Variants in AFF2 observed in about 807,000 individuals in gnomAD.
AFF2 encodes ALF transcription elongation factor 2.
AFF2 carries 14 observed loss-of-function variants against 76.9 expected under a neutral mutation model. The observed-to-expected ratio is 0.18, with a 90% CI of 0.12 to 0.28. The LOEUF (loss-of-function observed/expected upper bound fraction) is 0.28. AFF2 is among the 10% of genes least tolerant of loss of function. AFF2 has a pLI of 1.00. For missense variants in AFF2, 868 were observed against 1,001.1 expected, an observed-to-expected ratio of 0.87 and a Z score of 1.79; for synonymous variants, 398 against 366.7, an observed-to-expected ratio of 1.09 and a Z score of -0.98.
At chrX:148,653,285 G>T (rs2054219534) in intron 2 of AFF2, among the ~76,000 whole-genome samples, 1 of 112,019 alleles carries the variant, frequency 8.9e-6, no homozygotes, top group Non-Finnish European at 1.9e-5. Flanking sequence ...TACTTTGAAG[G>T]TATATATTTA....
chrX:148,761,956 T>TATATATAGATATAG (rs2069448753), intron 3 of AFF2, among the ~76,000 whole-genome samples: 1 of 99,576 alleles, frequency 1.0e-5, no homozygotes, highest in Non-Finnish European at 2.0e-5. Context: ...TGTATGTGTG[T>TATATATAGATATAG]ATATAGATAT....
chrX:148,776,087 C>T (rs1193634186), intron 3 of AFF2, among the ~76,000 whole-genome samples: 3 of 111,047 alleles, frequency 2.7e-5, no homozygotes, highest in Non-Finnish European at 5.7e-5. Context: ...TCAACTCCCA[C>T]TTATGAGTGA....
intron 3 of AFF2, among the ~76,000 whole-genome samples, chrX:148,674,928 C>G (rs1441709153): frequency 1.8e-5 from 2 of 112,446 alleles, no homozygotes; most frequent in Non-Finnish European, 3.8e-5. Flanking sequence ...CTTGTATAGC[C>G]TACGACTTTG....
intron 8 of AFF2, among the ~76,000 whole-genome samples, chrX:148,892,554 A>G (rs2071235919): frequency 9.0e-6 from 1 of 111,471 alleles, no homozygotes. Context: ...CGAAGACCCA[A>G]ACATTCTGTC....
intron 3 of AFF2, among the ~76,000 whole-genome samples, chrX:148,779,105 G>C (rs1209172659): frequency 9.0e-6 from 1 of 111,663 alleles, no homozygotes; most frequent in Non-Finnish European, 1.9e-5. Context: ...TATTTACCCA[G>C]TCATCATTCA....
intron 1 of AFF2, among the ~76,000 whole-genome samples, chrX:148,530,351 G>A (rs782719076): frequency 8.9e-6 from 1 of 112,054 alleles, no homozygotes; most frequent in South Asian, 3.7e-4. Flanking sequence ...GCTAAAAAAT[G>A]TCAGTGTCAC....
intron 1 of AFF2, among the ~76,000 whole-genome samples, chrX:148,586,317 G>T (rs782651508): frequency 1.8e-5 from 2 of 112,090 alleles, no homozygotes; most frequent in African/African-American, 6.5e-5. Flanking sequence ...CAGTGGCAAC[G>T]TTTATATTAC....
intron 9 of AFF2, among the ~76,000 whole-genome samples, chrX:148,943,423 C>A (rs1557285817): frequency 1.8e-5 from 2 of 111,766 alleles, no homozygotes; most frequent in Non-Finnish European, 3.8e-5. Context: ...AATTTTGAGT[C>A]TTATTGCTTT....
At chrX:148,579,327 G>T (rs78670221) in intron 1 of AFF2, among the ~76,000 whole-genome samples, 1 of 111,621 alleles carries the variant, frequency 9.0e-6, no homozygotes, top group Non-Finnish European at 1.9e-5. Flanking sequence ...AATATATTTG[G>T]TCTGTAAATA....
intron 3 of AFF2, among the ~76,000 whole-genome samples, chrX:148,729,061 AAC>A (rs1363951805): frequency 8.9e-6 from 1 of 112,207 alleles, no homozygotes; most frequent in Non-Finnish European, 1.9e-5. Context: ...GCTCCACACT[AAC>A]CACTGAGATA....
At chrX:148,817,733 A>G (rs2070283489) in intron 4 of AFF2, among the ~76,000 whole-genome samples, 1 of 112,051 alleles carries the variant, frequency 8.9e-6, no homozygotes, top group Non-Finnish European at 1.9e-5. Flanking sequence ...TGAAATACTA[A>G]CAAACAGAAT....
At position 148,997,418 on chromosome X, in the gene AFF2, G is replaced by T. The variant is rs1407663909; in HGVS notation, c.*6086G>T. ...ATTCTCCTGGTCCTGTGCATCTTCT[G>T]CAGTTAATAAGAGGTTTGTATCTGG... On this transcript the variant is annotated 3_prime_UTR_variant, in exon 21 of 21. Transcript: ENST00000370460. 8.9e-6 allele frequency: 1 copy of T among 111,787 alleles called. No individual in the cohort carries two copies. The allele number at this position is 111,787 out of a possible 1,213,427, so 9.2% of individuals were successfully genotyped here. A position where few individuals can be genotyped will look rare whatever the true frequency, so the allele number is the denominator to read the frequency against.
Position 148,955,780 on chromosome X carries a change from G to A in AFF2, c.1735G>A (p.Val579Ile), listed in dbSNP as rs1455195217. ...QMKVKTNASQVPAEPKERPLL... is the reference protein window; with the variant it reads ...QMKVKTNASQIPAEPKERPLL... The stretch of plus-strand genomic sequence containing the variant: ...GAAAGTGAAGACGAATGCCAGTCAG[G>A]TCCCAGCTGAACCCAAAGAAAGGCC... The change falls in exon 11 of 21, where the codon GTC becomes ATC. Residue 579 changes from valine to isoleucine, a missense_variant. Coordinates refer to ENST00000370460, the MANE Select transcript of AFF2 (RefSeq NM_002025.4). 4 of 1,209,815 alleles carry A rather than the reference G, an allele frequency of 3.3e-6. No homozygotes were observed. Among genetic ancestry groups the A allele is most frequent in the African/African-American group, 1.8e-5 (1 of 57,024 alleles).
intron 1 of AFF2, among the ~76,000 whole-genome samples, chrX:148,514,008 T>A (rs1375140462): frequency 1.8e-5 from 2 of 111,906 alleles, no homozygotes; most frequent in Non-Finnish European, 3.8e-5. Flanking sequence ...AAATCTTTAT[T>A]GAACTTTAAT....
chrX:148,925,419 G>A (rs1351209248), intron 9 of AFF2, among the ~76,000 whole-genome samples: 2 of 112,609 alleles, frequency 1.8e-5, no homozygotes, highest in East Asian at 2.8e-4. Context: ...TCAGCCTATA[G>A]GACAACATTT....
At chrX:148,577,972 G>A (rs868994626) in intron 1 of AFF2, among the ~76,000 whole-genome samples, 3 of 112,198 alleles carry the variant, frequency 2.7e-5, no homozygotes, top group East Asian at 2.8e-4. Context: ...GCTCCTCTGC[G>A]ATTCTTTTTG....
In AFF2 at chrX:148,737,878, T is replaced by C. The variant is rs914631086; in HGVS notation, c.1042-71998T>C. Among the ~76,000 whole-genome samples, 7 of 112,010 alleles carry C rather than the reference T, an allele frequency of 6.2e-5. No individual in the cohort carries two copies. The Admixed American group carries it at 6.6e-4, about 11-fold the overall frequency. ...TTTTCTGCATCTATTGAGATGATCA[T>C]GTGATTTTTGTTTTTAATTCTGTTT... is the stretch of plus-strand genomic sequence containing the variant. On this transcript the variant is annotated intron_variant, in intron 3 of 20. Transcript: ENST00000370460.
At chrX:148,877,543 T>A (rs1251583944) in intron 7 of AFF2, among the ~76,000 whole-genome samples, 1 of 112,755 alleles carries the variant, frequency 8.9e-6, no homozygotes, top group African/African-American at 3.2e-5. Flanking sequence ...CAGTCCTGAA[T>A]GTTTTGCTAA....
At chrX:148,544,480 C>T (rs1407456558) in intron 1 of AFF2, among the ~76,000 whole-genome samples, 1 of 112,015 alleles carries the variant, frequency 8.9e-6, no homozygotes, top group East Asian at 2.8e-4. Context: ...TGAGAATCCT[C>T]CCAATGTGTG....
Sources: gnomAD v4.1 joint callset for allele counts (sites outside exome capture counted in the v4.1 genomes callset) on GRCh38, gnomAD v4.1.1 for gene constraint, MANE v1.5 for transcripts, NCBI Gene and HGNC (gene_info 2026-07-23, HGNC 2026-07-21) for gene names.